LRRC4C: variants seen among roughly 807,000 people sequenced by gnomAD.
The protein encoded by LRRC4C is leucine rich repeat containing 4C.
Under a neutral mutation model 33.6 loss-of-function variants are expected in LRRC4C, and 5 were observed. The ratio of observed to expected loss-of-function variants is 0.15; its 90% CI spans 0.08 to 0.31. The LOEUF is 0.31. LRRC4C is among the 10% of genes least tolerant of loss of function. The pLI is 1.00. For synonymous variants in LRRC4C, 329 were observed against 302.0 expected, an observed-to-expected ratio of 1.09 and a Z score of -0.93; for missense variants, 560 against 796.7, an observed-to-expected ratio of 0.70 and a Z score of 3.58.
At chr11:41,354,548 G>C (rs1222380356) in intron 1 of LRRC4C, among the ~76,000 whole-genome samples, 1 of 151,550 alleles carries the variant, frequency 6.6e-6, no homozygotes, top group Non-Finnish European at 1.5e-5. Context: ...TTAAATCAGG[G>C]GAAAAAAAGA....
chr11:40,240,330 T>C (rs1171090236), intron 5 of LRRC4C, among the ~76,000 whole-genome samples: 2 of 152,190 alleles, frequency 1.3e-5, no homozygotes, highest in Non-Finnish European at 2.9e-5. Flanking sequence ...TTGTTACATG[T>C]CACTTATGTA....
chr11:40,870,449 G>A (rs1954581383), intron 2 of LRRC4C, among the ~76,000 whole-genome samples: 1 of 152,058 alleles, frequency 6.6e-6, no homozygotes, highest in Non-Finnish European at 1.5e-5. Context: ...CTAGAATCAG[G>A]GCTGTTGCAG....
intron 1 of LRRC4C, among the ~76,000 whole-genome samples, chr11:41,289,462 A>G (rs542821838): frequency 6.6e-6 from 1 of 152,286 alleles, no homozygotes; most frequent in Admixed American, 6.5e-5. Flanking sequence ...TTAGGAAGGT[A>G]AGTAAGGTTA....
intron 3 of LRRC4C, among the ~76,000 whole-genome samples, chr11:40,443,530 A>G (rs1017243345): frequency 1.6e-4 from 25 of 152,042 alleles, no homozygotes; most frequent in African/African-American, 5.8e-4. Flanking sequence ...GTCAGATTCC[A>G]CTCTATGTCA....
chr11:41,274,776 C>T (rs1949428685), intron 1 of LRRC4C, among the ~76,000 whole-genome samples: 1 of 152,062 alleles, frequency 6.6e-6, no homozygotes, highest in Admixed American at 6.6e-5. Context: ...GGGTCCATTC[C>T]ACCTTTAAGA....
chr11:40,276,564 C>G (rs1440706510), intron 4 of LRRC4C, among the ~76,000 whole-genome samples: 1 of 152,046 alleles, frequency 6.6e-6, no homozygotes, highest in African/African-American at 2.4e-5. Context: ...GCATTTCTTT[C>G]TCCTTGTACC....
intron 1 of LRRC4C, among the ~76,000 whole-genome samples, chr11:41,281,080 T>TCTCTCTCTCTCTCTC (rs1949657542): frequency 2.9e-5 from 3 of 104,500 alleles, no homozygotes; most frequent in African/African-American, 9.0e-5. Flanking sequence ...CTCTCTGTCC[T>TCTCTCTCTCTCTCTC]CTCTCTCTCT....
In LRRC4C at chr11:40,984,893, CTTTTTTTTT is replaced by C. The variant is rs562785410; in HGVS notation, c.-495-51179_-495-51171del. 5.0e-4 allele frequency among the ~76,000 whole-genome samples: 26 copies of C among 52,246 alleles called. No homozygotes were observed. In the South Asian group the frequency reaches 6.7e-3, roughly 13 times the overall value. 34.3% of individuals were successfully genotyped at this position (52,246 alleles called of 152,430 possible). ...CACGACAACTCTGTTCTCACTGACA[CTTTTTTTTT>C]TTTTTTTTTTTTTTTTTGAGACGCA... is the stretch of plus-strand genomic sequence containing the variant. On this transcript the variant is annotated intron_variant, in intron 1 of 6. Transcript: ENST00000528697.
At chr11:40,769,095 GA>G (rs34729875) in intron 2 of LRRC4C, among the ~76,000 whole-genome samples, 4 of 152,018 alleles carry the variant, frequency 2.6e-5, no homozygotes, top group Middle Eastern at 3.4e-3. Context: ...AAGATTTCAT[GA>G]AAAAAACTAT....
chr11:40,592,146 C>T (rs147448767), intron 3 of LRRC4C, among the ~76,000 whole-genome samples: 213 of 152,294 alleles, frequency 1.4e-3, no homozygotes, highest in African/African-American at 4.8e-3. Context: ...GCAGCCCTCC[C>T]CTTTTGGAGA....
At chr11:40,702,992 T>C (rs1945950472) in intron 2 of LRRC4C, among the ~76,000 whole-genome samples, 1 of 152,064 alleles carries the variant, frequency 6.6e-6, no homozygotes, top group South Asian at 2.1e-4. Context: ...TAGCCATAGT[T>C]TCAGAGAACA....
chr11:41,165,124 G>T (rs1255365726), intron 1 of LRRC4C, among the ~76,000 whole-genome samples: 1 of 152,028 alleles, frequency 6.6e-6, no homozygotes, highest in Non-Finnish European at 1.5e-5. Context: ...AAATAGCGCG[G>T]GTTCCCAGAG....
intron 3 of LRRC4C, among the ~76,000 whole-genome samples, chr11:40,480,680 C>T (rs1953509951): frequency 6.6e-6 from 1 of 151,638 alleles, no homozygotes; most frequent in African/African-American, 2.4e-5. Flanking sequence ...TGTATATATA[C>T]CATATATATG....
chr11:41,143,089 C>G (rs927540683), intron 1 of LRRC4C, among the ~76,000 whole-genome samples: 3 of 152,008 alleles, frequency 2.0e-5, no homozygotes, highest in African/African-American at 7.3e-5. Flanking sequence ...GGAGTAAAAA[C>G]TCTACGATAA....
At chr11:40,219,597 A>G (rs544061234) in intron 5 of LRRC4C, among the ~76,000 whole-genome samples, 2 of 152,322 alleles carry the variant, frequency 1.3e-5, no homozygotes, top group African/African-American at 4.8e-5. Flanking sequence ...GACAGGGATG[A>G]ATCTGGAGGA....
At chr11:41,396,998 C>T (rs764942450) in intron 1 of LRRC4C, among the ~76,000 whole-genome samples, 21 of 152,010 alleles carry the variant, frequency 1.4e-4, no homozygotes, top group African/African-American at 4.1e-4. Context: ...CTCCCATCAA[C>T]GCTATGAAGA....
At chr11:40,835,435 A>C (rs1413607431) in intron 2 of LRRC4C, among the ~76,000 whole-genome samples, 1 of 152,154 alleles carries the variant, frequency 6.6e-6, no homozygotes, top group East Asian at 1.9e-4. Context: ...TCTGTGGTCC[A>C]TACTCCTTTG....
At chr11:40,896,663 G>A (rs1228736710) in intron 2 of LRRC4C, among the ~76,000 whole-genome samples, 1 of 151,332 alleles carries the variant, frequency 6.6e-6, no homozygotes, top group East Asian at 1.9e-4. Context: ...GTGTGTACAT[G>A]CAAATATATA....
At chr11:40,310,461 G>A (rs2136746411) in intron 4 of LRRC4C, among the ~76,000 whole-genome samples, 1 of 152,218 alleles carries the variant, frequency 6.6e-6, no homozygotes, top group African/African-American at 2.4e-5. Flanking sequence ...ATAGGCTATA[G>A]TAACATCAAT....
Sources: allele counts gnomAD v4.1 joint callset (sites outside exome capture counted in the v4.1 genomes callset), GRCh38; gene constraint gnomAD v4.1.1; transcripts MANE v1.5; gene names NCBI Gene and HGNC (gene_info 2026-07-23, HGNC 2026-07-21).